Variants in SKIC3 observed in about 807,000 individuals in gnomAD.
The protein encoded by SKIC3 is SKI3 subunit of superkiller complex.
the SKIC3 span, chr5:95,502,990 G>T: frequency 1.1e-5 from 18 of 1,614,014 alleles, no homozygotes; most frequent in South Asian, 4.4e-5. Flanking sequence ...CAATAGACAA[G>T]GCTCTCTCAT....
chr5:95,524,975 C>A, the SKIC3 span, among the ~76,000 whole-genome samples: 2 of 152,066 alleles, frequency 1.3e-5, no homozygotes, highest in Non-Finnish European at 2.9e-5. Context: ...CCTCCACCCC[C>A]CAGGTTCAAG....
the SKIC3 span, among the ~76,000 whole-genome samples, chr5:95,499,550 T>C: frequency 6.6e-6 from 1 of 152,212 alleles, no homozygotes; most frequent in Non-Finnish European, 1.5e-5. Flanking sequence ...ACACTAAGTT[T>C]TAGAAACAAA....
the SKIC3 span, chr5:95,524,419 T>C: frequency 6.2e-7 from 1 of 1,609,512 alleles, no homozygotes; most frequent in Admixed American, 1.7e-5. Flanking sequence ...TTTATGATTT[T>C]ATAATGCCAT....
the SKIC3 span, among the ~76,000 whole-genome samples, chr5:95,553,086 C>A: frequency 6.6e-6 from 1 of 152,202 alleles, no homozygotes; most frequent in South Asian, 2.1e-4. Flanking sequence ...GGACAATCCA[C>A]TCAGCAGGAA....
chr5:95,528,165 A>C, the SKIC3 span: 1 of 1,613,620 alleles, frequency 6.2e-7, no homozygotes, highest in South Asian at 1.1e-5. Context: ...GACAAAATTA[A>C]GGGTATCCAA....
chr5:95,537,232 A>T, the SKIC3 span: 1 of 1,096,614 alleles, frequency 9.1e-7, no homozygotes, highest in East Asian at 2.5e-5. Flanking sequence ...TACACGTTCA[A>T]TTAACTGCAA....
the SKIC3 span, among the ~76,000 whole-genome samples, chr5:95,499,356 T>C: frequency 6.6e-6 from 1 of 152,188 alleles, no homozygotes; most frequent in Admixed American, 6.5e-5. Context: ...CCTCCTGCTC[T>C]GGCCATGTAA....
the SKIC3 span, chr5:95,482,647 C>T: frequency 4.3e-6 from 7 of 1,613,392 alleles, no homozygotes; most frequent in Non-Finnish European, 5.1e-6. Context: ...AATCAAATCC[C>T]AAAGAGGAAC....
chr5:95,482,511 T>C, the SKIC3 span: 4 of 1,614,014 alleles, frequency 2.5e-6, no homozygotes, highest in East Asian at 8.9e-5. Flanking sequence ...GACATGACTG[T>C]TTTTTGTAGT....
chr5:95,485,460 A>G, the SKIC3 span, among the ~76,000 whole-genome samples: 1 of 152,232 alleles, frequency 6.6e-6, no homozygotes, highest in South Asian at 2.1e-4. Context: ...ATGGTACATC[A>G]ATCTTGCATT....
At chr5:95,495,005 C>T in the SKIC3 span, 2 of 1,613,730 alleles carry the variant, frequency 1.2e-6, no homozygotes, top group African/African-American at 1.3e-5. Context: ...ACATTTCCTG[C>T]TACAACACCT....
chr5:95,491,918 T>C, the SKIC3 span, among the ~76,000 whole-genome samples: 103 of 152,316 alleles, frequency 6.8e-4, no homozygotes, highest in Middle Eastern at 3.4e-3. Context: ...TCATACTTAT[T>C]AGCTTTAGTT....
At chr5:95,494,993 C>T in the SKIC3 span, 1 of 1,613,732 alleles carries the variant, frequency 6.2e-7, no homozygotes, top group Non-Finnish European at 8.5e-7. Flanking sequence ...AGAATATGAG[C>T]CACATTTCCT....
chr5:95,464,649 A>G, the SKIC3 span: 1 of 1,613,522 alleles, frequency 6.2e-7, no homozygotes, highest in South Asian at 1.1e-5. Context: ...ATGCTCTTGT[A>G]TCTCCATGAG....
chr5:95,526,938 A>G, the SKIC3 span, among the ~76,000 whole-genome samples: 4 of 152,216 alleles, frequency 2.6e-5, no homozygotes, highest in East Asian at 7.7e-4. Flanking sequence ...TGATTCAGAT[A>G]AAGGCAGGAT....
the SKIC3 span, among the ~76,000 whole-genome samples, chr5:95,501,359 TATAA>T: frequency 1.3e-5 from 2 of 152,190 alleles, no homozygotes; most frequent in African/African-American, 4.8e-5. Flanking sequence ...TATCACAGTC[TATAA>T]AGTTGGTAAC....
the SKIC3 span, chr5:95,520,827 AG>A: frequency 6.3e-7 from 1 of 1,596,374 alleles, no homozygotes; most frequent in South Asian, 1.1e-5. Flanking sequence ...ACCTAAAATC[AG>A]GTAAGTTTGT....
chr5:95,466,407 A>C, the SKIC3 span, among the ~76,000 whole-genome samples: 10 of 152,192 alleles, frequency 6.6e-5, no homozygotes, highest in Admixed American at 6.5e-4. Flanking sequence ...CAAAAATACA[A>C]CTAACACCTA....
At chr5:95,513,685 G>A in the SKIC3 span, 1 of 1,560,390 alleles carries the variant, frequency 6.4e-7, no homozygotes, top group Admixed American at 1.7e-5. Flanking sequence ...GTGTTTAAAA[G>A]ACAGTAACAA....
Sources: allele counts gnomAD v4.1 joint callset (sites outside exome capture counted in the v4.1 genomes callset), GRCh38; gene constraint gnomAD v4.1.1; transcripts MANE v1.5; gene names NCBI Gene and HGNC (gene_info 2026-07-23, HGNC 2026-07-21).